Variants in SNTB1 observed in about 807,000 individuals in gnomAD.
SNTB1 encodes the protein beta-1-syntrophin.
In SNTB1, 36 loss-of-function variants were observed where a neutral mutation model predicts 48.9. That is an observed-to-expected ratio of 0.74 (90% CI 0.56 to 0.97). The LOEUF (loss-of-function observed/expected upper bound fraction) is 0.97, where lower values mean the gene tolerates loss of function less well. Among genes scored for constraint, SNTB1 ranks in the 50% least tolerant of loss-of-function variants. The pLI, the probability that SNTB1 is intolerant of heterozygous loss-of-function variation, is 0.00. For missense variants in SNTB1, 786 were observed against 703.4 expected (o/e 1.12, Z -1.33); for synonymous variants, 299 against 294.6 (o/e 1.01, Z -0.15).
intron 3 of SNTB1, among the ~76,000 whole-genome samples, chr8:120,624,270 G>C (rs750895473): frequency 6.6e-6 from 1 of 152,118 alleles, no homozygotes; most frequent in African/African-American, 2.4e-5. Context: ...AGACATTTAC[G>C]TCTTATAGTT....
intron 3 of SNTB1, among the ~76,000 whole-genome samples, chr8:120,580,980 T>C (rs1816038494): frequency 6.6e-6 from 1 of 151,788 alleles, no homozygotes; most frequent in South Asian, 2.1e-4. Flanking sequence ...CCCCAGCTAC[T>C]TGAGAGGCTG....
chr8:120,687,373 A>G (rs909744260), intron 2 of SNTB1, among the ~76,000 whole-genome samples: 6 of 152,222 alleles, frequency 3.9e-5, no homozygotes, highest in Admixed American at 2.6e-4. Context: ...AGAAAGAACC[A>G]TGTTAACTGA....
At chr8:120,545,826 T>C (rs1391608173) in intron 5 of SNTB1, among the ~76,000 whole-genome samples, 4 of 152,246 alleles carry the variant, frequency 2.6e-5, no homozygotes, top group African/African-American at 7.2e-5. Context: ...GCTAGCATAT[T>C]GGGCAGCACA....
chr8:120,769,993 G>A (rs1407032012), intron 1 of SNTB1, among the ~76,000 whole-genome samples: 2 of 152,206 alleles, frequency 1.3e-5, no homozygotes, highest in Non-Finnish European at 2.9e-5. Context: ...TCTTAGCTCA[G>A]AGTTCTCTCT....
intron 2 of SNTB1, among the ~76,000 whole-genome samples, chr8:120,678,586 T>C (rs1205425025): frequency 6.6e-6 from 1 of 152,234 alleles, no homozygotes; most frequent in Non-Finnish European, 1.5e-5. Flanking sequence ...AAAACTCTTT[T>C]ATTAAACAAC....
At chr8:120,752,213 G>A (rs1277290498) in intron 1 of SNTB1, among the ~76,000 whole-genome samples, 1 of 152,078 alleles carries the variant, frequency 6.6e-6, no homozygotes, top group African/African-American at 2.4e-5. Context: ...AGGCACCTTG[G>A]CTAAGTTAAA....
At chr8:120,655,100 G>C in intron 2 of SNTB1, 1 of 322,550 alleles carries the variant, frequency 3.1e-6, no homozygotes, top group Non-Finnish European at 6.2e-6. Flanking sequence ...TGACATTTTG[G>C]GGTGTTTTTA....
In SNTB1 at chr8:120,547,607, A is replaced by C. The variant is rs891234996; in HGVS notation, c.1333+1155T>G. Reference sequence around the variant, plus strand: ...AACACTGTCTCAAAAAAAAAAAAAAAAAAAAACAACTTTGTTTTTCAAAGT... The same window carrying C: ...AACACTGTCTCAAAAAAAAAAAAAACAAAAAACAACTTTGTTTTTCAAAGT... On this transcript the variant is annotated intron_variant, in intron 5 of 6. Coordinates refer to ENST00000517992, the MANE Select transcript of SNTB1 (RefSeq NM_021021.4). Among the ~76,000 whole-genome samples, 9 of 150,628 alleles carry C rather than the reference A, an allele frequency of 6.0e-5. No individual in the cohort carries two copies. The South Asian group carries it at 1.5e-3, about 25-fold the overall frequency.
chr8:120,729,678 C>T (rs1818819673), intron 1 of SNTB1, among the ~76,000 whole-genome samples: 2 of 152,222 alleles, frequency 1.3e-5, no homozygotes, highest in South Asian at 4.1e-4. Context: ...TAGCTCTATG[C>T]TCTGCCTACA....
intron 1 of SNTB1, among the ~76,000 whole-genome samples, chr8:120,719,916 G>T (rs533449418): frequency 3.9e-4 from 60 of 152,266 alleles, no homozygotes; most frequent in African/African-American, 1.4e-3. Context: ...GGCGGGCAAG[G>T]CTCAAAAAGC....
chr8:120,647,549 G>T (rs76266312), intron 2 of SNTB1, among the ~76,000 whole-genome samples: 1 of 149,326 alleles, frequency 6.7e-6, no homozygotes, highest in Admixed American at 6.6e-5. Flanking sequence ...TATAATTTCT[G>T]TTCTTTTAAA....
At chr8:120,735,527 G>A (rs532361827) in intron 1 of SNTB1, among the ~76,000 whole-genome samples, 65 of 152,246 alleles carry the variant, frequency 4.3e-4, no homozygotes, top group Admixed American at 3.5e-3. Flanking sequence ...TCTAATCTGC[G>A]TGGTTGGTGT....
Position 120,767,053 on chromosome 8 carries a change from G to A in SNTB1, c.571+44220C>T, listed in dbSNP as rs188712100. On this transcript the variant is annotated intron_variant, in intron 1 of 6. Coordinates refer to ENST00000517992, the MANE Select transcript of SNTB1 (RefSeq NM_021021.4). ...TTTTACAGATGGCCAGAAATCTAGT[G>A]CTTACACTTCTCTCATCCTACTCTC... 2.0e-3 allele frequency among the ~76,000 whole-genome samples: 308 copies of A among 152,170 alleles called. 1 individual carries two copies. Among genetic ancestry groups the A allele is most frequent in the African/African-American group, 7.1e-3 (296 of 41,506 alleles).
At chr8:120,777,871 C>T (rs1587155182) in intron 1 of SNTB1, among the ~76,000 whole-genome samples, 1 of 152,168 alleles carries the variant, frequency 6.6e-6, no homozygotes, top group Admixed American at 6.5e-5. Context: ...AGAGTATCCC[C>T]CAAAGCACTG....
chr8:120,541,919 C>T lies in SNTB1; in HGVS notation c.1415G>A (p.Gly472Asp), dbSNP rs776979330. 6.2e-7 allele frequency: 1 copy of T among 1,613,934 alleles called. No homozygotes were observed. Among genetic ancestry groups the T allele is most frequent in the Non-Finnish European group, 8.5e-7 (1 of 1,179,896 alleles). ...CTGTATGATGGTCTTGGGAAAGGCA[C>T]CCTCCTGTGGTTCAGTGGTAATAGA... ...GFSITTEPQEGAFPKTIIQSP... is the reference protein window; with the variant it reads ...GFSITTEPQEDAFPKTIIQSP... The change falls in exon 6 of 7, where the codon GGT (glycine) becomes GAT (aspartate). Residue 472 changes from glycine (G) to aspartate (D), a missense_variant. Coordinates refer to ENST00000517992, the MANE Select transcript of SNTB1 (RefSeq NM_021021.4).
chr8:120,719,186 G>A (rs990889182), intron 1 of SNTB1, among the ~76,000 whole-genome samples: 1 of 152,176 alleles, frequency 6.6e-6, no homozygotes, highest in Non-Finnish European at 1.5e-5. Context: ...GAGTCAGTGG[G>A]CTGAGAAAGG....
intron 2 of SNTB1, among the ~76,000 whole-genome samples, chr8:120,662,446 T>A (rs1001543482): frequency 1.3e-5 from 2 of 152,204 alleles, no homozygotes; most frequent in Non-Finnish European, 1.5e-5. Context: ...TTAGTTCCTG[T>A]TTTTTAAGAT....
chr8:120,549,876 T>C (rs1815449084), intron 4 of SNTB1, among the ~76,000 whole-genome samples: 2 of 152,204 alleles, frequency 1.3e-5, no homozygotes, highest in Admixed American at 1.3e-4. Flanking sequence ...TCTAGGGTAT[T>C]TGCATTTTCA....
chr8:120,565,136 C>A (rs1231082854), intron 4 of SNTB1, among the ~76,000 whole-genome samples: 1 of 151,394 alleles, frequency 6.6e-6, no homozygotes, highest in Non-Finnish European at 1.5e-5. Flanking sequence ...TTTTTTTTAG[C>A]AGGTGGTATA....
Sources: gnomAD v4.1 joint callset for allele counts (sites outside exome capture counted in the v4.1 genomes callset) on GRCh38, gnomAD v4.1.1 for gene constraint, MANE v1.5 for transcripts, NCBI Gene and HGNC (gene_info 2026-07-23, HGNC 2026-07-21) for gene names.